The following KLHL20 variants were observed in gnomAD, a reference collection of about 807,000 sequenced individuals.
KLHL20 encodes kelch-like protein 20.
KLHL20 carries 29 observed loss-of-function variants against 69.5 expected under a neutral mutation model. The observed-to-expected ratio is 0.42, with a 90% CI of 0.31 to 0.57. The LOEUF (loss-of-function observed/expected upper bound fraction) is 0.57. Among genes scored for constraint, KLHL20 ranks in the 20% least tolerant of loss-of-function variants. KLHL20 has a pLI of 0.18. For missense variants in KLHL20, 419 were observed against 776.0 expected (o/e 0.54, Z 5.47); for synonymous variants, 253 against 265.2 (o/e 0.95, Z 0.45).
intron 11 of KLHL20, among the ~76,000 whole-genome samples, chr1:173,782,573 T>C (rs1020030311): frequency 3.3e-5 from 5 of 152,064 alleles, no homozygotes; most frequent in Non-Finnish European, 5.9e-5. Context: ...AATTAGAACC[T>C]AGGTCTTTGG....
chr1:173,764,335 AAGT>A (rs1332799536), intron 7 of KLHL20, among the ~76,000 whole-genome samples: 1 of 152,194 alleles, frequency 6.6e-6, no homozygotes, highest in Non-Finnish European at 1.5e-5. Context: ...AAAGAACTAA[AAGT>A]AGAACTACCA....
At chr1:173,771,318 C>T (rs563280421) in intron 8 of KLHL20, among the ~76,000 whole-genome samples, 24 of 152,184 alleles carry the variant, frequency 1.6e-4, no homozygotes, top group African/African-American at 4.3e-4. Flanking sequence ...GTGGGAGGAT[C>T]GCTTGAGACT....
chr1:173,762,392 A>G (rs1214745634), intron 7 of KLHL20, among the ~76,000 whole-genome samples: 1 of 152,220 alleles, frequency 6.6e-6, no homozygotes, highest in African/African-American at 2.4e-5. Flanking sequence ...TGAAGCCAGC[A>G]TCACCCTAAT....
At chr1:173,741,356 A>G (rs1391498566) in intron 3 of KLHL20, among the ~76,000 whole-genome samples, 1 of 152,142 alleles carries the variant, frequency 6.6e-6, no homozygotes, top group Non-Finnish European at 1.5e-5. Context: ...TTTCTATTTT[A>G]TACTTTAATA....
intron 8 of KLHL20, among the ~76,000 whole-genome samples, chr1:173,770,616 G>C (rs1000841106): frequency 1.3e-5 from 2 of 150,842 alleles, no homozygotes; most frequent in Non-Finnish European, 2.9e-5. Flanking sequence ...AGAGGTGAAG[G>C]TTGCAGTGAG....
intron 3 of KLHL20, among the ~76,000 whole-genome samples, chr1:173,742,935 T>A: frequency 6.6e-6 from 1 of 151,800 alleles, no homozygotes; most frequent in South Asian, 2.1e-4. Flanking sequence ...AAAGTTAAAA[T>A]TTTTTGTTCT....
chr1:173,733,823 A>G lies in KLHL20; in HGVS notation c.134A>G (p.Tyr45Cys), dbSNP rs201998238. ...EGVPQPARMP[Y>C]ISDKHPRQTL... ...GTTCCCCAACCTGCCCGCATGCCCT[A>G]TATCTCAGACAAGCACCCTCGACAA... Residue 45 changes from tyrosine (Y) to cysteine (C), a missense_variant, in exon 3 of 12, where the codon TAT becomes TGT. Tyr to Cys is a radical substitution (Grantham distance 194). Transcript: ENST00000209884. 3.1e-6 allele frequency: 5 copies of G among 1,614,110 alleles called. No individual in the cohort carries two copies. The highest frequency in any genetic ancestry group is 1.7e-5 in the Admixed American group (1 of 60,002).
At chr1:173,745,351 C>T (rs543686345) in intron 3 of KLHL20, among the ~76,000 whole-genome samples, 1 of 151,496 alleles carries the variant, frequency 6.6e-6, no homozygotes, top group East Asian at 2.0e-4. Context: ...TTAGTAGAGA[C>T]AAGGTTTCAC....
chr1:173,727,928 A>C (rs1672059226), intron 2 of KLHL20, among the ~76,000 whole-genome samples: 1 of 152,044 alleles, frequency 6.6e-6, no homozygotes, highest in Non-Finnish European at 1.5e-5. Context: ...AATGGACTAC[A>C]TGCTTCAATT....
At chr1:173,735,510 T>G (rs1467519403) in intron 3 of KLHL20, among the ~76,000 whole-genome samples, 1 of 151,134 alleles carries the variant, frequency 6.6e-6, no homozygotes, top group Non-Finnish European at 1.5e-5. Context: ...CATTAAAGGG[T>G]TTTAAGCAAA....
At chr1:173,740,460 C>T (rs1289300629) in intron 3 of KLHL20, among the ~76,000 whole-genome samples, 2 of 151,874 alleles carry the variant, frequency 1.3e-5, no homozygotes, top group African/African-American at 2.4e-5. Flanking sequence ...TCTTGTTTAT[C>T]TAGTTCCTTG....
intron 2 of KLHL20, among the ~76,000 whole-genome samples, chr1:173,725,526 C>A (rs369382682): frequency 4.3e-4 from 65 of 152,302 alleles, no homozygotes; most frequent in African/African-American, 1.5e-3. Flanking sequence ...TACTGTGATC[C>A]TGTAAGGCAG....
At chr1:173,784,971 T>G (rs766464012) in intron 11 of KLHL20, among the ~76,000 whole-genome samples, 192 bp from the exon 12 acceptor site, 10 of 152,210 alleles carry the variant, frequency 6.6e-5, no homozygotes, top group Non-Finnish European at 4.4e-5. Flanking sequence ...TCTGAAACAG[T>G]CCTGCTACTC....
Position 173,774,401 on chromosome 1 carries a change from T to C in KLHL20, c.1392T>C (p.Ala464=). The C allele has an allele frequency of 6.2e-7, 1 of 1,614,192 alleles. No individual in the cohort carries two copies. Among genetic ancestry groups the C allele is most frequent in the South Asian group, 1.1e-5 (1 of 91,088 alleles). The change falls in exon 9 of 12, where the codon GCT becomes GCC. Residue 464 remains alanine (A), a synonymous_variant. Transcript: ENST00000209884. ...CTGTGTTAGGAGGGTTCTTATATGC[T>C]GTAGGTGGCTCTGACGGGACATCTC... ...AVAVLGGFLY[A]VGGSDGTSPL... is the part of the protein sequence containing the mutation.
rs992052058 is a variant in KLHL20, at chr1:173,761,893, GAAAC to G, written c.1152-4241_1152-4238del. 5.2e-4 allele frequency among the ~76,000 whole-genome samples: 79 copies of G among 152,138 alleles called. 1 individual carries two copies. The highest frequency in any genetic ancestry group is 1.2e-3 in the South Asian group (6 of 4,826). ...GATCAGAGCAGAGCAAAATGAAATTGAAACAAACAAACAAAAGACCAAAAGATAA... is the reference window on the plus strand; with the variant it reads ...GATCAGAGCAGAGCAAAATGAAATTGAAACAAACAAAAGACCAAAAGATAA... On this transcript the variant is annotated intron_variant, in intron 7 of 11. Coordinates refer to ENST00000209884, the MANE Select transcript of KLHL20 (RefSeq NM_014458.4).
chr1:173,777,654 A>G lies in KLHL20; in HGVS notation c.1638+1812A>G, dbSNP rs563437310. 1.9e-3 allele frequency among the ~76,000 whole-genome samples: 296 copies of G among 152,322 alleles called. 1 individual carries two copies. The highest frequency in any genetic ancestry group is 6.7e-3 in the African/African-American group (278 of 41,560). ...TACTTTTATCAAATGCTTTTTCAGC[A>G]TCAATTGAAATGATTATTTGGTTTT... On this transcript the variant is annotated intron_variant, in intron 10 of 11. Transcript: ENST00000209884.
At chr1:173,724,268 G>A (rs921560171) in intron 2 of KLHL20, among the ~76,000 whole-genome samples, 1 of 151,002 alleles carries the variant, frequency 6.6e-6, no homozygotes, top group African/African-American at 2.4e-5. Context: ...ACCTCCCAAA[G>A]TACTGGGATT....
intron 2 of KLHL20, among the ~76,000 whole-genome samples, chr1:173,726,230 G>A (rs1254472858): frequency 6.6e-6 from 1 of 152,046 alleles, no homozygotes; most frequent in Non-Finnish European, 1.5e-5. Flanking sequence ...GGCTTGAGTA[G>A]GTAAATAAAG....
chr1:173,751,594 G>A (rs1453940805), intron 3 of KLHL20, among the ~76,000 whole-genome samples, 170 bp from the exon 4 acceptor site: 2 of 152,022 alleles, frequency 1.3e-5, no homozygotes, highest in Non-Finnish European at 2.9e-5. Flanking sequence ...TTTTAATGGT[G>A]TCTTCTGTAC....
Sources: allele counts gnomAD v4.1 joint callset (sites outside exome capture counted in the v4.1 genomes callset), GRCh38; gene constraint gnomAD v4.1.1; transcripts MANE v1.5; gene names NCBI Gene and HGNC (gene_info 2026-07-23, HGNC 2026-07-21).